The following PTPN6 variants were observed in gnomAD, a reference collection of about 807,000 sequenced individuals.
The protein encoded by PTPN6 is protein tyrosine phosphatase non-receptor type 6.
A neutral mutation model predicts 81.5 loss-of-function variants in PTPN6; 18 were observed. The observed-to-expected ratio is 0.22, with a 90% CI of 0.15 to 0.33. The LOEUF (loss-of-function observed/expected upper bound fraction) is 0.33. Among genes scored for constraint, PTPN6 ranks in the 10% least tolerant of loss-of-function variants. The pLI is 1.00. For missense variants in PTPN6, 500 were observed against 794.2 expected (o/e 0.63, Z 4.45); for synonymous variants, 301 against 310.9 (o/e 0.97, Z 0.33).
At position 6,959,655 on chromosome 12, in the gene PTPN6, A is replaced by G. The variant is rs1946093150; in HGVS notation, c.1362-272A>G. On this transcript the variant is annotated intron_variant, in intron 11 of 15. Transcript: ENST00000318974. The surrounding 1 kb of genome is among the most constrained non-coding windows in gnomAD (Gnocchi z 6.6). ...TCCGGGGTGGGGGCAGCCACTCACT[A>G]GGAGTGAGGAGTCGGCGCGAGGAGT... The G allele has an allele frequency of 1.8e-6, 1 of 564,976 alleles. No individual in the cohort carries two copies. The highest frequency in any genetic ancestry group is 3.2e-6 in the Non-Finnish European group (1 of 314,576). 35.0% of individuals were successfully genotyped at this position (564,976 alleles called of 1,614,324 possible).
At chr12:6,949,280 T>G (rs1555147345), upstream of PTPN6, among the ~76,000 whole-genome samples, 1 of 152,212 alleles carries the variant, frequency 6.6e-6, no homozygotes, top group African/African-American at 2.4e-5. Flanking sequence ...CCACATGGCT[T>G]GCTCACGGCC....
chr12:6,949,647 T>TA (rs1216671738), upstream of PTPN6, among the ~76,000 whole-genome samples: 2 of 152,102 alleles, frequency 1.3e-5, no homozygotes, highest in East Asian at 3.9e-4. Context: ...CCCTGCCACT[T>TA]ACCAGCTTTT....
chr12:6,958,306 G>A (rs781904393), intron 11 of PTPN6, among the ~76,000 whole-genome samples: 5 of 152,262 alleles, frequency 3.3e-5, no homozygotes, highest in African/African-American at 1.2e-4. Context: ...CTCTCCGGAT[G>A]TACCATCTCG....
At position 6,957,927 on chromosome 12, in the gene PTPN6, G is replaced by C; in HGVS notation, c.1215G>C (p.Leu405=). ...CTATGTCCTCGGCTTAGGGAGACCT[G>C]ATTCGGGAGATCTGGCATTACCAGT... ...LQVSPLDNGD[L]IREIWHYQYL... The change falls in exon 11 of 16, where the codon CTG becomes CTC. Residue 405 remains leucine, a synonymous_variant. Transcript: ENST00000318974. The surrounding 1 kb of genome is among the most constrained non-coding windows in gnomAD (Gnocchi z 6.5). The C allele has an allele frequency of 6.2e-7, 1 of 1,614,008 alleles. No individual in the cohort carries two copies. The highest frequency in any genetic ancestry group is 8.5e-7 in the Non-Finnish European group (1 of 1,180,036).
Position 6,959,128 on chromosome 12 carries a change from G to C in PTPN6, c.1362-799G>C, listed in dbSNP as rs191726206. 6.6e-6 allele frequency among the ~76,000 whole-genome samples: 1 copy of C among 152,192 alleles called. No homozygotes were observed. The highest frequency in any genetic ancestry group is 1.5e-5 in the Non-Finnish European group (1 of 68,044). ...GTCGGCTGAATCTAGAGGTGCCCCC[G>C]ATGGGCTGTCCGGGGACGCGGCTCT... is the stretch of plus-strand genomic sequence containing the variant. On this transcript the variant is annotated intron_variant, in intron 11 of 15. Transcript: ENST00000318974. This position sits in a 1 kb window ranked among gnomAD's most constrained non-coding sequence, Gnocchi z 6.6.
At position 6,954,968 on chromosome 12, in the gene PTPN6, G is replaced by T; in HGVS notation, c.490G>T (p.Val164Phe). Residue 164 changes from valine (V) to phenylalanine (F), a missense_variant, in exon 4 of 16, where the codon GTC becomes TTC. Transcript: ENST00000318974. This position sits in a 1 kb window ranked among gnomAD's most constrained non-coding sequence, Gnocchi z 5.4. ...PKAGPGSPLR[V>F]THIKVMCEGG... ...GGCTGGCCCAGGCTCCCCGCTCAGG[G>T]TCACCCACATCAAGGTCATGTGCGA... 6.2e-7 allele frequency: 1 copy of T among 1,614,122 alleles called. No homozygotes were observed. Among genetic ancestry groups the T allele is most frequent in the South Asian group, 1.1e-5 (1 of 91,086 alleles).
Position 6,955,545 on chromosome 12 carries a change from C to G in PTPN6, c.747+60C>G. ...GAGGTGGTGGCAGCGGCCTGGGGCC[C>G]CAGGCGGACACCTTCCCCTCCTTGC... is the stretch of plus-strand genomic sequence containing the variant. On this transcript the variant is annotated intron_variant, in intron 6 of 15. Coordinates refer to ENST00000318974, the MANE Select transcript of PTPN6 (RefSeq NM_002831.6). The surrounding 1 kb of genome is among the most constrained non-coding windows in gnomAD (Gnocchi z 7.2). The G allele has an allele frequency of 1.9e-6, 3 of 1,581,230 alleles. No individual in the cohort carries two copies. Among genetic ancestry groups the G allele is most frequent in the Admixed American group, 3.3e-5 (2 of 59,900 alleles).
chr12:6,951,881 C>G lies in PTPN6; in HGVS notation c.132-102C>G, dbSNP rs142648047. On this transcript the variant is annotated intron_variant, in intron 2 of 15. Transcript: ENST00000318974. This position sits in a 1 kb window ranked among gnomAD's most constrained non-coding sequence, Gnocchi z 7.2. ...CCCACACTCCCCATCCCTGTCTGTGCCCACCCATGCCCATGTGTGCCCCCA... is the reference window on the plus strand; with the variant it reads ...CCCACACTCCCCATCCCTGTCTGTGGCCACCCATGCCCATGTGTGCCCCCA... The G allele has an allele frequency of 3.2e-6, 5 of 1,543,966 alleles. No individual in the cohort carries two copies. Among genetic ancestry groups the G allele is most frequent in the Non-Finnish European group, 4.4e-6 (5 of 1,127,836 alleles).
At position 6,954,711 on chromosome 12, in the gene PTPN6, G is replaced by C; in HGVS notation, c.327-94G>C. 1 of 1,279,222 alleles carries C rather than the reference G, an allele frequency of 7.8e-7. No homozygotes were observed. The highest frequency in any genetic ancestry group is 1.1e-6 in the Non-Finnish European group (1 of 909,674). The allele number at this position is 1,279,222 out of a possible 1,614,324, so 79.2% of individuals were successfully genotyped here. ...GTAGCGCAGTGCCTGGCACACAGTAGGTGCTTGATTTCCGGCCCCTCTCTG... is the reference window on the plus strand; with the variant it reads ...GTAGCGCAGTGCCTGGCACACAGTACGTGCTTGATTTCCGGCCCCTCTCTG... On this transcript the variant is annotated intron_variant, in intron 3 of 15. Transcript: ENST00000318974. This position sits in a 1 kb window ranked among gnomAD's most constrained non-coding sequence, Gnocchi z 5.4.
At chr12:6,947,100 G>A (rs1340857714), upstream of PTPN6, among the ~76,000 whole-genome samples, 2 of 152,108 alleles carry the variant, frequency 1.3e-5, no homozygotes, top group South Asian at 2.1e-4. Context: ...GCCCTCCCAC[G>A]TCCAGCCAAC....
chr12:6,957,629 T>TCCCCCCCCCC lies in PTPN6; in HGVS notation c.1075-21_1075-20insCCCCCCCCCC. ...CCACAGTGCCCTGCTCTGTGCCTCA[T>TCCCCCCCCCC]CCCCACCCGACCCTCCCTTTCCAGA... On this transcript the variant is annotated intron_variant, in intron 9 of 15. Transcript: ENST00000318974. This position sits in a 1 kb window ranked among gnomAD's most constrained non-coding sequence, Gnocchi z 6.5. The TCCCCCCCCCC allele has an allele frequency of 3.3e-6, 5 of 1,521,488 alleles. No individual in the cohort carries two copies. Among genetic ancestry groups the TCCCCCCCCCC allele is most frequent in the Non-Finnish European group, 3.6e-6 (4 of 1,105,652 alleles). 94.2% of individuals were successfully genotyped at this position (1,521,488 alleles called of 1,614,324 possible).
At position 6,954,480 on chromosome 12, in the gene PTPN6, G is replaced by A. The variant is rs1371519634; in HGVS notation, c.327-325G>A. 6.6e-6 allele frequency among the ~76,000 whole-genome samples: 1 copy of A among 152,230 alleles called. No individual in the cohort carries two copies. ...TAGGATGGCTTGAACCTGGGAGGTC[G>A]AGGCTGCAGAGAGCTGTAACCGCGC... On this transcript the variant is annotated intron_variant, in intron 3 of 15. Transcript: ENST00000318974. The surrounding 1 kb of genome is among the most constrained non-coding windows in gnomAD (Gnocchi z 5.4).
chr12:6,961,107 C>A lies in PTPN6; in HGVS notation c.*26-19C>A. ...GGTTCCAGCTACCCTCTCACTCCCT[C>A]ACTCCCTTCTCTTGGCAGCCTCAGC... On this transcript the variant is annotated intron_variant, in intron 15 of 15. Coordinates refer to ENST00000318974, the MANE Select transcript of PTPN6 (RefSeq NM_002831.6). The A allele has an allele frequency of 2.6e-6, 3 of 1,173,936 alleles. No homozygotes were observed. Among genetic ancestry groups the A allele is most frequent in the South Asian group, 1.5e-5 (1 of 68,356 alleles). The allele number at this position is 1,173,936 out of a possible 1,614,324, so 72.7% of individuals were successfully genotyped here. A position where few individuals can be genotyped will look rare whatever the true frequency, so the allele number is the denominator to read the frequency against.
chr12:6,956,430 A>C lies in PTPN6; in HGVS notation c.936A>C (p.Leu312=). 6.2e-7 allele frequency: 1 copy of C among 1,614,136 alleles called. No individual in the cohort carries two copies. ...INANYIKNQL[L]GPDENAKTYI... ...ACGCTTGCGTCCAGAACCAGCTGCT[A>C]GGCCCTGATGAGAACGCTAAGACCT... Residue 312 remains leucine, a synonymous_variant, in exon 9 of 16, where the codon CTA becomes CTC. Coordinates refer to ENST00000318974, the MANE Select transcript of PTPN6 (RefSeq NM_002831.6). The surrounding 1 kb of genome is among the most constrained non-coding windows in gnomAD (Gnocchi z 4.1).
At chr12:6,958,206 G>C in intron 11 of PTPN6, 133 bp downstream of exon 11, 1 of 1,307,666 alleles carries the variant, frequency 7.6e-7, no homozygotes, top group African/African-American at 1.5e-5. Context: ...GCTTCTCCTG[G>C]GTCCCCTCAT....
chr12:6,951,802 T>A lies in PTPN6; in HGVS notation c.131+71T>A. On this transcript the variant is annotated intron_variant, in intron 2 of 15. Coordinates refer to ENST00000318974, the MANE Select transcript of PTPN6 (RefSeq NM_002831.6). The surrounding 1 kb of genome is among the most constrained non-coding windows in gnomAD (Gnocchi z 7.2). ...TGCCATCCAGGCCCTGAACCACTCA[T>A]TCCTGGTTCCCCGTGGCAGTGCTGA... The A allele has an allele frequency of 6.2e-7, 1 of 1,601,306 alleles. No individual in the cohort carries two copies. Among genetic ancestry groups the A allele is most frequent in the Non-Finnish European group, 8.5e-7 (1 of 1,178,754 alleles).
rs1555149760 is a variant in PTPN6 at position 6,960,716 on chromosome 12, G to A, written c.1674-90G>A. 6.4e-7 allele frequency: 1 copy of A among 1,551,524 alleles called. No homozygotes were observed. Among genetic ancestry groups the A allele is most frequent in the Admixed American group, 2.0e-5 (1 of 50,994 alleles). On this transcript the variant is annotated intron_variant, in intron 14 of 15. Coordinates refer to ENST00000318974, the MANE Select transcript of PTPN6 (RefSeq NM_002831.6). The surrounding 1 kb of genome is among the most constrained non-coding windows in gnomAD (Gnocchi z 6.1). ...GCTGCGTCACCTGTGAGACGGGGTG[G>A]CCAGAGGGGACTGCCAGTGCCGGGT... is the stretch of plus-strand genomic sequence containing the variant.
chr12:6,952,198 C>T lies in PTPN6; in HGVS notation c.326+21C>T. 6.2e-7 allele frequency: 1 copy of T among 1,612,850 alleles called. No individual in the cohort carries two copies. Among genetic ancestry groups the T allele is most frequent in the Non-Finnish European group, 8.5e-7 (1 of 1,179,768 alleles). Reference sequence around the variant, plus strand: ...GAGAGGTGAGGGCTCCGCACCCCCGCCATTCCCAAGCAGGGATGAGCCGGC... The same window carrying T: ...GAGAGGTGAGGGCTCCGCACCCCCGTCATTCCCAAGCAGGGATGAGCCGGC... On this transcript the variant is annotated intron_variant, in intron 3 of 15. Transcript: ENST00000318974. The surrounding 1 kb of genome is among the most constrained non-coding windows in gnomAD (Gnocchi z 8.1).
At chr12:6,947,944 G>A (rs782408170), upstream of PTPN6, among the ~76,000 whole-genome samples, 3 of 152,100 alleles carry the variant, frequency 2.0e-5, no homozygotes, top group Non-Finnish European at 2.9e-5. Context: ...CTAGTGGAGC[G>A]GAGGCAGGGC....
Sources: gnomAD v4.1 joint callset for allele counts (sites outside exome capture counted in the v4.1 genomes callset) on GRCh38, gnomAD v4.1.1 for gene constraint, Gnocchi (gnomAD v3.1) non-coding constraint, MANE v1.5 for transcripts, NCBI Gene and HGNC (gene_info 2026-07-23, HGNC 2026-07-21) for gene names.